SLC6A11: variants seen among roughly 807,000 people sequenced by gnomAD.
SLC6A11 encodes the protein sodium- and chloride-dependent GABA transporter 3.
SLC6A11 carries 25 observed loss-of-function variants against 74.8 expected under a neutral mutation model. The observed-to-expected ratio is 0.33, with a 90% CI of 0.24 to 0.47. The LOEUF is 0.47. Ranked by LOEUF, SLC6A11 falls within the 20% of genes least tolerant of loss-of-function variation. The pLI is 1.00. For missense variants in SLC6A11, 574 were observed against 837.0 expected (o/e 0.69, Z 3.88); for synonymous variants, 330 against 330.2 (o/e 1.00, Z 0.01).
chr3:10,876,630 T>C (rs995063164), intron 6 of SLC6A11, among the ~76,000 whole-genome samples: 1 of 151,538 alleles, frequency 6.6e-6, no homozygotes, highest in Non-Finnish European at 1.5e-5. Flanking sequence ...TTGCAGTGGG[T>C]CTGTGATGGC....
chr3:10,879,563 C>T (rs933777377), intron 6 of SLC6A11, among the ~76,000 whole-genome samples: 6 of 152,192 alleles, frequency 3.9e-5, no homozygotes, highest in African/African-American at 1.4e-4. Context: ...AGGTTGCACC[C>T]GCCTGCCCCA....
chr3:10,831,337 C>T (rs1694293904), intron 4 of SLC6A11, among the ~76,000 whole-genome samples: 1 of 147,992 alleles, frequency 6.8e-6, no homozygotes, highest in Non-Finnish European at 1.5e-5. Flanking sequence ...AACATGTCCT[C>T]AGCAGCACTG....
intron 3 of SLC6A11, among the ~76,000 whole-genome samples, chr3:10,820,118 A>C (rs1430634208): frequency 6.6e-6 from 1 of 152,214 alleles, no homozygotes; most frequent in East Asian, 1.9e-4. Flanking sequence ...TCAAATGCAG[A>C]GACTGAGCCC....
At chr3:10,913,971 GC>G (rs1449029070) in intron 7 of SLC6A11, among the ~76,000 whole-genome samples, 1 of 152,208 alleles carries the variant, frequency 6.6e-6, no homozygotes, top group Non-Finnish European at 1.5e-5. Flanking sequence ...GGGATTACAG[GC>G]TTGAGCCACG....
At chr3:10,879,526 G>A (rs1406093387) in intron 6 of SLC6A11, among the ~76,000 whole-genome samples, 1 of 152,152 alleles carries the variant, frequency 6.6e-6, no homozygotes, top group Admixed American at 6.6e-5. Context: ...GCCTCTAGGG[G>A]GCCATGTCCC....
intron 5 of SLC6A11, among the ~76,000 whole-genome samples, chr3:10,861,704 C>G (rs1436024369): frequency 6.6e-6 from 1 of 152,076 alleles, no homozygotes; most frequent in Admixed American, 6.5e-5. Flanking sequence ...CCCTGGGGGA[C>G]CCTGGTGTCC....
Position 10,828,731 on chromosome 3 carries a change from C to A in SLC6A11, c.623+5339C>A, listed in dbSNP as rs746265045. Among the ~76,000 whole-genome samples the A allele has an allele frequency of 5.9e-5, 9 of 152,318 alleles. No individual in the cohort carries two copies. The South Asian group carries it at 6.2e-4, about 11-fold the overall frequency. On this transcript the variant is annotated intron_variant, in intron 4 of 13. Coordinates refer to ENST00000254488, the MANE Select transcript of SLC6A11 (RefSeq NM_014229.3). ...ATGTCAGTGTCATATGGGGAGCCCT[C>A]CTTGACCATGCCCATGGAATCCACA...
chr3:10,882,917 C>T (rs1361476905), intron 6 of SLC6A11, among the ~76,000 whole-genome samples: 2 of 152,154 alleles, frequency 1.3e-5, no homozygotes, highest in Non-Finnish European at 2.9e-5. Flanking sequence ...AGAGCACCTC[C>T]ACGTTTCCCT....
In SLC6A11 at chr3:10,816,847, T is replaced by C. The variant is rs911956258; in HGVS notation, c.256+326T>C. ...CCTGGTGTTTCGGGCACTTGGCCCC[T>C]TGGAGCCTCAGCTTTCCTAACTGGG... On this transcript the variant is annotated intron_variant, in intron 1 of 13. Coordinates refer to ENST00000254488, the MANE Select transcript of SLC6A11 (RefSeq NM_014229.3). This position sits in a 1 kb window ranked among gnomAD's most constrained non-coding sequence, Gnocchi z 4.2. Among the ~76,000 whole-genome samples the C allele has an allele frequency of 2.0e-5, 3 of 152,234 alleles. No individual in the cohort carries two copies. The highest frequency in any genetic ancestry group is 4.4e-5 in the Non-Finnish European group (3 of 68,036).
chr3:10,933,115 C>A, intron 10 of SLC6A11, 36 bp from the exon 11 acceptor site: 1 of 1,482,428 alleles, frequency 6.7e-7, no homozygotes, highest in Non-Finnish European at 9.4e-7. Context: ...TGTGTCCGTT[C>A]ACCTCCCATC....
intron 10 of SLC6A11, among the ~76,000 whole-genome samples, chr3:10,929,631 C>T (rs1168160869): frequency 6.6e-6 from 1 of 152,214 alleles, no homozygotes; most frequent in East Asian, 1.9e-4. Context: ...CACATGGACT[C>T]CTGGGCCATC....
intron 6 of SLC6A11, among the ~76,000 whole-genome samples, chr3:10,896,688 T>C (rs1010516639): frequency 2.0e-5 from 3 of 152,204 alleles, no homozygotes; most frequent in Non-Finnish European, 2.9e-5. Flanking sequence ...TCGACTTTCT[T>C]TTTCCTCATA....
intron 4 of SLC6A11, among the ~76,000 whole-genome samples, chr3:10,833,449 T>C (rs1694324500): frequency 2.0e-5 from 3 of 152,330 alleles, no homozygotes; most frequent in African/African-American, 7.2e-5. Flanking sequence ...GATGGCTCCT[T>C]GCCCAGAACA....
At chr3:10,892,860 C>T (rs1307964516) in intron 6 of SLC6A11, among the ~76,000 whole-genome samples, 1 of 152,132 alleles carries the variant, frequency 6.6e-6, no homozygotes, top group Non-Finnish European at 1.5e-5. Context: ...TTAGGATTTC[C>T]CAAGGCTGTG....
chr3:10,904,024 A>T lies in SLC6A11; in HGVS notation c.892-8066A>T, dbSNP rs3774097. ...GTTTCCAGCAACCTACCTGTGTCTAACCTGGGGATGATGATGCTCACCTCA... is the reference window on the plus strand; with the variant it reads ...GTTTCCAGCAACCTACCTGTGTCTATCCTGGGGATGATGATGCTCACCTCA... On this transcript the variant is annotated intron_variant, in intron 6 of 13. Transcript: ENST00000254488. Among the ~76,000 whole-genome samples, 1,886 of 152,360 alleles carry T rather than the reference A, an allele frequency of 0.012. 81 individuals are homozygous for T. The East Asian group carries it at 0.16, about 13-fold the overall frequency.
intron 11 of SLC6A11, 188 bp from the exon 12 acceptor site, chr3:10,933,878 C>T (rs557577077): frequency 2.0e-6 from 1 of 504,128 alleles, no homozygotes; most frequent in African/African-American, 1.9e-5. Context: ...GCCAGCATCC[C>T]TCCTGCTGCT....
intron 10 of SLC6A11, among the ~76,000 whole-genome samples, chr3:10,929,984 T>G (rs957335937): frequency 2.6e-5 from 4 of 152,026 alleles, no homozygotes; most frequent in African/African-American, 9.7e-5. Context: ...TAGGTATTTT[T>G]CTCCCCATAT....
At chr3:10,929,486 G>A in intron 10 of SLC6A11, 147 bp downstream of exon 10, 1 of 844,976 alleles carries the variant, frequency 1.2e-6, no homozygotes. Context: ...TCATGGTGAG[G>A]ATCTAATGGA....
intron 4 of SLC6A11, among the ~76,000 whole-genome samples, chr3:10,829,244 T>G (rs1694259682): frequency 6.6e-6 from 1 of 152,206 alleles, no homozygotes; most frequent in Non-Finnish European, 1.5e-5. Flanking sequence ...CTGTGAGGAT[T>G]AAATGAAATA....
Sources: gnomAD v4.1 joint callset for allele counts (sites outside exome capture counted in the v4.1 genomes callset) on GRCh38, gnomAD v4.1.1 for gene constraint, Gnocchi (gnomAD v3.1) non-coding constraint, MANE v1.5 for transcripts, NCBI Gene and HGNC (gene_info 2026-07-23, HGNC 2026-07-21) for gene names.